The following KLF12 variants were observed in gnomAD, a reference collection of about 807,000 sequenced individuals.
KLF12 encodes Krueppel-like factor 12.
In KLF12, 9 loss-of-function variants were observed where a neutral mutation model predicts 37.8. That is an observed-to-expected ratio of 0.24 (90% CI 0.14 to 0.42). KLF12 has a LOEUF of 0.42. KLF12 is among the 10% of genes least tolerant of loss of function. KLF12 has a pLI of 1.00. For missense variants in KLF12, 411 were observed against 516.0 expected, an observed-to-expected ratio of 0.80 and a Z score of 1.97; for synonymous variants, 208 against 202.1, an observed-to-expected ratio of 1.03 and a Z score of -0.25.
the KLF12 span, among the ~76,000 whole-genome samples, chr13:74,235,710 G>A: frequency 7.9e-5 from 12 of 152,110 alleles, no homozygotes; most frequent in East Asian, 1.5e-3. Context: ...CTCCTTTGAA[G>A]TATGTAAGAC....
chr13:73,860,842 T>C (rs1885889766), intron 3 of KLF12, among the ~76,000 whole-genome samples: 1 of 152,214 alleles, frequency 6.6e-6, no homozygotes, highest in Non-Finnish European at 1.5e-5. Context: ...CCTCATTCTT[T>C]TGTTAAAGAA....
chr13:73,715,614 C>T, intron 6 of KLF12, 89 bp from the exon 7 acceptor site: 1 of 1,299,298 alleles, frequency 7.7e-7, no homozygotes, highest in Non-Finnish European at 1.1e-6. Flanking sequence ...TCAGACACTA[C>T]AGCTTCACAG....
At chr13:73,972,317 C>G (rs757086890) in intron 2 of KLF12, among the ~76,000 whole-genome samples, 9 of 152,048 alleles carry the variant, frequency 5.9e-5, no homozygotes, top group African/African-American at 1.4e-4. Flanking sequence ...TGTAAGTGTT[C>G]CATTAAAGAA....
chr13:73,859,275 C>G (rs1037199863), intron 3 of KLF12, among the ~76,000 whole-genome samples: 1 of 152,184 alleles, frequency 6.6e-6, no homozygotes, highest in African/African-American at 2.4e-5. Flanking sequence ...AGAGCTTTCT[C>G]TTCCGGTAAA....
chr13:73,995,926 A>T (rs1892104468), intron 1 of KLF12, among the ~76,000 whole-genome samples: 1 of 152,168 alleles, frequency 6.6e-6, no homozygotes, highest in Admixed American at 6.5e-5. Flanking sequence ...TTCATTTGGA[A>T]TTACACTCAA....
chr13:73,773,369 G>C (rs1019476498), intron 5 of KLF12, among the ~76,000 whole-genome samples: 1 of 152,218 alleles, frequency 6.6e-6, no homozygotes, highest in African/African-American at 2.4e-5. Flanking sequence ...ATGATCTCAT[G>C]ACCAACGTCA....
At chr13:73,921,463 C>T (rs773818662) in intron 3 of KLF12, among the ~76,000 whole-genome samples, 6 of 152,066 alleles carry the variant, frequency 3.9e-5, no homozygotes, top group Non-Finnish European at 8.8e-5. Flanking sequence ...TGTCTTGTGC[C>T]TAACTCAATA....
At chr13:73,894,356 AGT>A (rs1887657975) in intron 3 of KLF12, among the ~76,000 whole-genome samples, 1 of 152,190 alleles carries the variant, frequency 6.6e-6, no homozygotes, top group South Asian at 2.1e-4. Context: ...ATGCCCTGTA[AGT>A]AAGATACAGA....
At chr13:73,998,230 A>C (rs899338995) in intron 1 of KLF12, among the ~76,000 whole-genome samples, 1 of 152,136 alleles carries the variant, frequency 6.6e-6, no homozygotes, top group African/African-American at 2.4e-5. Context: ...ACAGTACCAG[A>C]TTGCTTGCTC....
chr13:74,051,158 GA>G (rs1338737787), intron 1 of KLF12, among the ~76,000 whole-genome samples: 10 of 152,148 alleles, frequency 6.6e-5, no homozygotes, highest in African/African-American at 1.9e-4. Context: ...ACTACCATAT[GA>G]TCTACCAATC....
intron 3 of KLF12, among the ~76,000 whole-genome samples, chr13:73,873,426 T>C (rs1356631400): frequency 6.6e-6 from 1 of 152,194 alleles, no homozygotes; most frequent in African/African-American, 2.4e-5. Context: ...ATCTGGTTCA[T>C]CAATTTTTTG....
At chr13:73,941,943 C>T (rs1890205950) in intron 3 of KLF12, among the ~76,000 whole-genome samples, 1 of 152,126 alleles carries the variant, frequency 6.6e-6, no homozygotes, top group South Asian at 2.1e-4. Flanking sequence ...AATCGATTTT[C>T]ATGAACAGGC....
intron 2 of KLF12, among the ~76,000 whole-genome samples, chr13:73,987,880 T>C (rs1433561320): frequency 7.1e-6 from 1 of 141,370 alleles, no homozygotes; most frequent in Non-Finnish European, 1.6e-5. Flanking sequence ...AGAGGGAGGG[T>C]AGAGAGGGAA....
chr13:73,861,930 TTTA>T (rs1885948153), intron 3 of KLF12, among the ~76,000 whole-genome samples: 1 of 152,144 alleles, frequency 6.6e-6, no homozygotes, highest in Non-Finnish European at 1.5e-5. Flanking sequence ...ACTTGAAGTG[TTTA>T]TTACCTATAT....
the KLF12 span, among the ~76,000 whole-genome samples, chr13:74,185,620 G>A: frequency 6.6e-6 from 1 of 152,006 alleles, no homozygotes; most frequent in African/African-American, 2.4e-5. Context: ...TGTCAACATT[G>A]GCCAGATTAA....
intron 2 of KLF12, 83 bp downstream of exon 2, chr13:73,994,907 T>C: frequency 4.7e-6 from 4 of 859,998 alleles, no homozygotes; most frequent in Non-Finnish European, 6.0e-6. Flanking sequence ...CACAAGAAGG[T>C]ACTCTAATGA....
chr13:73,889,777 T>C (rs1887414755), intron 3 of KLF12, among the ~76,000 whole-genome samples: 2 of 151,974 alleles, frequency 1.3e-5, no homozygotes, highest in African/African-American at 4.8e-5. Flanking sequence ...AAGCACAAAA[T>C]AAAATTTTAA....
At chr13:74,108,457 G>C (rs1459590375) in intron 1 of KLF12, among the ~76,000 whole-genome samples, 1 of 152,066 alleles carries the variant, frequency 6.6e-6, no homozygotes. Context: ...TTTATATGAA[G>C]AGCAAATACC....
the KLF12 span, among the ~76,000 whole-genome samples, chr13:74,214,112 T>C: frequency 6.6e-6 from 1 of 152,200 alleles, no homozygotes; most frequent in Non-Finnish European, 1.5e-5. Flanking sequence ...TTACTTATGA[T>C]TTTTATTTTT....
Sources: allele counts gnomAD v4.1 joint callset (sites outside exome capture counted in the v4.1 genomes callset), GRCh38; gene constraint gnomAD v4.1.1; transcripts MANE v1.5; gene names NCBI Gene and HGNC (gene_info 2026-07-23, HGNC 2026-07-21).